The following CADM2 variants were observed in gnomAD, a reference collection of about 807,000 sequenced individuals.
The protein encoded by CADM2 is cell adhesion molecule 2.
A neutral mutation model predicts 49.8 loss-of-function variants in CADM2; 12 were observed. That is an observed-to-expected ratio of 0.24 (90% CI 0.15 to 0.39). The LOEUF is 0.39. Ranked by LOEUF, CADM2 falls within the 10% of genes least tolerant of loss-of-function variation. The pLI is 1.00. For missense variants in CADM2, 378 were observed against 492.3 expected (o/e 0.77, Z 2.20); for synonymous variants, 214 against 175.4 (o/e 1.22, Z -1.74).
intron 1 of CADM2, among the ~76,000 whole-genome samples, chr3:85,016,721 A>G (rs1375803476): frequency 2.0e-5 from 3 of 152,060 alleles, no homozygotes; most frequent in Non-Finnish European, 2.9e-5. Flanking sequence ...TGAACCTGGG[A>G]GGCAGAGATT....
At chr3:85,755,025 G>T (rs1005273542) in intron 2 of CADM2, among the ~76,000 whole-genome samples, 1 of 152,084 alleles carries the variant, frequency 6.6e-6, no homozygotes, top group African/African-American at 2.4e-5. Context: ...AACCATATTT[G>T]ATGTTTTTTA....
At chr3:85,186,897 T>A (rs1270116293) in intron 1 of CADM2, among the ~76,000 whole-genome samples, 4 of 152,192 alleles carry the variant, frequency 2.6e-5, no homozygotes, top group African/African-American at 7.2e-5. Context: ...ATTCCTTTGC[T>A]TTAATATGCT....
intron 2 of CADM2, among the ~76,000 whole-genome samples, chr3:85,773,433 C>A (rs2070203055): frequency 6.6e-6 from 1 of 151,998 alleles, no homozygotes; most frequent in Non-Finnish European, 1.5e-5. Flanking sequence ...TACTCTTAGT[C>A]CATTTAACCC....
chr3:85,844,625 A>G (rs1016828269), intron 3 of CADM2, among the ~76,000 whole-genome samples: 10 of 152,172 alleles, frequency 6.6e-5, no homozygotes, highest in Admixed American at 3.9e-4. Context: ...TTCTTCTTAT[A>G]TTGCTATAGA....
At chr3:85,464,815 A>G (rs561339504) in intron 1 of CADM2, among the ~76,000 whole-genome samples, 48 of 152,342 alleles carry the variant, frequency 3.2e-4, no homozygotes, top group Middle Eastern at 3.4e-3. Flanking sequence ...TTACAGTAAT[A>G]TTCTCTGTAC....
intron 1 of CADM2, among the ~76,000 whole-genome samples, chr3:85,462,773 A>G (rs753251445): frequency 6.6e-6 from 1 of 152,176 alleles, no homozygotes; most frequent in African/African-American, 2.4e-5. Context: ...TTAACACTGA[A>G]CTTTACTGTC....
intron 1 of CADM2, among the ~76,000 whole-genome samples, chr3:85,629,913 A>G (rs537947513): frequency 2.0e-5 from 3 of 152,094 alleles, no homozygotes; most frequent in Admixed American, 1.3e-4. Context: ...TCTACTTCAT[A>G]TGGTTGTTAA....
chr3:85,020,712 G>T (rs2034460873), intron 1 of CADM2, among the ~76,000 whole-genome samples: 1 of 151,844 alleles, frequency 6.6e-6, no homozygotes, highest in Non-Finnish European at 1.5e-5. Flanking sequence ...AGATTAAGGT[G>T]TATAAATCAG....
chr3:85,323,764 T>G (rs2044677246), intron 1 of CADM2, among the ~76,000 whole-genome samples: 1 of 152,190 alleles, frequency 6.6e-6, no homozygotes, highest in Non-Finnish European at 1.5e-5. Flanking sequence ...ATCACGATGC[T>G]AAAACAGTGT....
chr3:85,334,466 T>C (rs1009521472), intron 1 of CADM2, among the ~76,000 whole-genome samples: 1 of 151,574 alleles, frequency 6.6e-6, no homozygotes. Context: ...CAACAAAATA[T>C]TTGTATCAGA....
At chr3:85,227,094 T>C (rs984069841) in intron 1 of CADM2, among the ~76,000 whole-genome samples, 7 of 152,208 alleles carry the variant, frequency 4.6e-5, no homozygotes, top group African/African-American at 1.7e-4. Context: ...GAAGAATGTA[T>C]ATTCTGTTGA....
intron 2 of CADM2, among the ~76,000 whole-genome samples, chr3:85,743,802 A>G (rs1164871893): frequency 1.3e-5 from 2 of 152,186 alleles, no homozygotes; most frequent in Non-Finnish European, 2.9e-5. Context: ...ATTTATTAAA[A>G]CATCTCAGGT....
At chr3:85,409,040 T>C (rs899852611) in intron 1 of CADM2, among the ~76,000 whole-genome samples, 1 of 152,208 alleles carries the variant, frequency 6.6e-6, no homozygotes, top group African/African-American at 2.4e-5. Context: ...AGTAGTGAAA[T>C]ACTTCACTTC....
At position 85,359,666 on chromosome 3, in the gene CADM2, A is replaced by ATT. The variant is rs869151718; in HGVS notation, c.62-366846_62-366845dup. On this transcript the variant is annotated intron_variant, in intron 1 of 9. Transcript: ENST00000383699. ...TATATATATATATATATATATATAT[A>ATT]TTTTTTTTTTTGGTGGAGGGGAGAA... Among the ~76,000 whole-genome samples the ATT allele has an allele frequency of 1.4e-3, 37 of 26,556 alleles. 1 individual carries two copies. Among genetic ancestry groups the ATT allele is most frequent in the African/African-American group, 2.9e-3 (27 of 9,388 alleles). The allele number at this position is 26,556 out of a possible 152,430, so 17.4% of individuals were successfully genotyped here.
intron 1 of CADM2, among the ~76,000 whole-genome samples, chr3:85,270,058 T>G (rs1462693431): frequency 6.6e-6 from 1 of 151,278 alleles, no homozygotes; most frequent in African/African-American, 2.4e-5. Context: ...TCATAGAGCT[T>G]GAGATCATCT....
chr3:85,669,452 T>TA (rs1489559930), intron 1 of CADM2, among the ~76,000 whole-genome samples: 4 of 152,170 alleles, frequency 2.6e-5, no homozygotes, highest in Non-Finnish European at 4.4e-5. Flanking sequence ...AATGCATAGA[T>TA]ATACCTCTTT....
At chr3:86,017,991 A>G (rs1264675384) in intron 8 of CADM2, among the ~76,000 whole-genome samples, 1 of 132,000 alleles carries the variant, frequency 7.6e-6, no homozygotes, top group Non-Finnish European at 1.6e-5. Flanking sequence ...CTCGTCATCT[A>G]GCATTAGGTA....
chr3:85,066,902 CTTTCTTG>C (rs896450449), intron 1 of CADM2, among the ~76,000 whole-genome samples: 2 of 152,070 alleles, frequency 1.3e-5, no homozygotes, highest in Admixed American at 6.6e-5. Context: ...CACACTTCTC[CTTTCTTG>C]TTTATTATCT....
At chr3:85,178,377 C>A (rs2040840114) in intron 1 of CADM2, among the ~76,000 whole-genome samples, 1 of 151,566 alleles carries the variant, frequency 6.6e-6, no homozygotes, top group African/African-American at 2.4e-5. Flanking sequence ...TTGGGATAAA[C>A]CCTTGGAATA....
Sources: gnomAD v4.1 joint callset for allele counts (sites outside exome capture counted in the v4.1 genomes callset) on GRCh38, gnomAD v4.1.1 for gene constraint, MANE v1.5 for transcripts, NCBI Gene and HGNC (gene_info 2026-07-23, HGNC 2026-07-21) for gene names.